PID1: variants seen among roughly 807,000 people sequenced by gnomAD.
The protein encoded by PID1 is phosphotyrosine interaction domain containing 1, also known as PTB-containing, cubilin and LRP1-interacting protein.
Under a neutral mutation model 19.1 loss-of-function variants are expected in PID1, and 10 were observed. The ratio of observed to expected loss-of-function variants is 0.52; its 90% CI spans 0.32 to 0.89. PID1 has a LOEUF of 0.89. PID1 is among the 40% of genes least tolerant of loss of function. The pLI is 0.03. For missense variants in PID1, 248 were observed against 285.3 expected, an observed-to-expected ratio of 0.87 and a Z score of 0.94; for synonymous variants, 130 against 116.0, an observed-to-expected ratio of 1.12 and a Z score of -0.78.
chr2:229,046,276 C>T, intron 2 of PID1, among the ~76,000 whole-genome samples: 1 of 151,864 alleles, frequency 6.6e-6, no homozygotes, highest in East Asian at 1.9e-4. Flanking sequence ...ACTTCCTAAA[C>T]ATCTTTTCCT....
At chr2:229,270,876 C>A in intron 1 of PID1, 138 bp downstream of exon 1, 4 of 692,650 alleles carry the variant, frequency 5.8e-6, no homozygotes, top group Non-Finnish European at 9.4e-6. Context: ...GGTAAACCGA[C>A]AGCATCATGT....
chr2:229,099,100 T>G (rs1004155425), intron 2 of PID1, among the ~76,000 whole-genome samples: 1 of 152,130 alleles, frequency 6.6e-6, no homozygotes, highest in Admixed American at 6.6e-5. Context: ...TCCCAACAAT[T>G]TTTGTGTCTT....
intron 1 of PID1, among the ~76,000 whole-genome samples, chr2:229,212,053 T>C (rs891194825): frequency 1.3e-5 from 2 of 152,192 alleles, no homozygotes; most frequent in South Asian, 2.1e-4. Flanking sequence ...ATCAAACTGG[T>C]TGAATGTATA....
chr2:229,141,650 G>C (rs73998562), intron 2 of PID1, among the ~76,000 whole-genome samples: 46 of 147,466 alleles, frequency 3.1e-4, no homozygotes, highest in African/African-American at 1.2e-3. Context: ...TGTGGGGGGG[G>C]AACTAATTTC....
intron 1 of PID1, among the ~76,000 whole-genome samples, chr2:229,221,090 C>T (rs1381467963): frequency 1.3e-5 from 2 of 152,164 alleles, no homozygotes; most frequent in South Asian, 4.1e-4. Context: ...GTATCCCCAT[C>T]CAGCTTTAAC....
At chr2:229,033,616 A>G (rs893115492) in intron 2 of PID1, among the ~76,000 whole-genome samples, 5 of 152,144 alleles carry the variant, frequency 3.3e-5, no homozygotes, top group African/African-American at 1.2e-4. Context: ...CCACCATGGC[A>G]CGTGTATGCC....
At position 229,139,104 on chromosome 2, in the gene PID1, A is replaced by C. The variant is rs1317736690; in HGVS notation, c.177+16714T>G. ...GAAAGAAAGAAAGAAAGAAAGAAAG[A>C]AAGAAAGAAAGAGAAAGAAAGAAAG... On this transcript the variant is annotated intron_variant, in intron 2 of 2. Coordinates refer to ENST00000392055, the MANE Select transcript of PID1 (RefSeq NM_001100818.2). Among the ~76,000 whole-genome samples the C allele has an allele frequency of 3.8e-4, 25 of 66,312 alleles. 1 individual carries two copies. The highest frequency in any genetic ancestry group is 3.5e-3 in the East Asian group (7 of 2,018). 43.5% of individuals were successfully genotyped at this position (66,312 alleles called of 152,430 possible). A position where few individuals can be genotyped will look rare whatever the true frequency, so the allele number is the denominator to read the frequency against.
chr2:229,150,853 C>CT (rs35107592), intron 2 of PID1, among the ~76,000 whole-genome samples: 36,260 of 137,352 alleles, frequency 0.26, 4,581 homozygotes, highest in Non-Finnish European at 0.3. Context: ...TGTAGAGTGC[C>CT]TTTTTTTTTT....
chr2:229,101,524 C>T (rs925712711), intron 2 of PID1, among the ~76,000 whole-genome samples: 2 of 152,204 alleles, frequency 1.3e-5, no homozygotes, highest in African/African-American at 4.8e-5. Flanking sequence ...CCAGTATATT[C>T]ACTCTAACTA....
chr2:229,267,657 T>C lies in PID1; in HGVS notation c.30+3357A>G, dbSNP rs552916714. 4.6e-5 allele frequency among the ~76,000 whole-genome samples: 7 copies of C among 152,290 alleles called. No homozygotes were observed. In the South Asian group the frequency reaches 8.3e-4, roughly 18 times the overall value. On this transcript the variant is annotated intron_variant, in intron 1 of 2. Coordinates refer to ENST00000392055, the MANE Select transcript of PID1 (RefSeq NM_001100818.2). ...GCATCTGGTAGCTCAGTGAAGACAT[T>C]TGCTCTGAGAAAATACTTGTTCCTA...
Position 229,096,054 on chromosome 2 carries a change from A to G in PID1, c.177+59764T>C, listed in dbSNP as rs1559230790. Among the ~76,000 whole-genome samples the G allele has an allele frequency of 2.0e-5, 3 of 152,188 alleles. 1 individual carries two copies. The highest frequency in any genetic ancestry group is 2.0e-4 in the Admixed American group (3 of 15,276). ...ATGTTGGAGAATAGTCATATAAGTAACAGATAGAGAAATGTCCACAGGCAA... is the reference window on the plus strand; with the variant it reads ...ATGTTGGAGAATAGTCATATAAGTAGCAGATAGAGAAATGTCCACAGGCAA... On this transcript the variant is annotated intron_variant, in intron 2 of 2. Transcript: ENST00000392055.
At chr2:229,204,615 G>A (rs773447002) in intron 1 of PID1, among the ~76,000 whole-genome samples, 4 of 151,982 alleles carry the variant, frequency 2.6e-5, no homozygotes, top group African/African-American at 4.8e-5. Flanking sequence ...TAGACAAGAG[G>A]AGAAAACACG....
Position 229,254,080 on chromosome 2 carries a change from G to A in PID1, c.30+16934C>T, listed in dbSNP as rs184711779. Reference sequence around the variant, plus strand: ...CACCCTGCTGAGGATTCCAACTCCCGGGAGAAAGTGTCTAATCAATCTAGT... The same window carrying A: ...CACCCTGCTGAGGATTCCAACTCCCAGGAGAAAGTGTCTAATCAATCTAGT... On this transcript the variant is annotated intron_variant, in intron 1 of 2. Coordinates refer to ENST00000392055, the MANE Select transcript of PID1 (RefSeq NM_001100818.2). Among the ~76,000 whole-genome samples the A allele has an allele frequency of 5.3e-5, 8 of 152,162 alleles. No individual in the cohort carries two copies. In the South Asian group the frequency reaches 6.3e-4, roughly 12 times the overall value.
chr2:229,204,787 T>C (rs1691572501), intron 1 of PID1, among the ~76,000 whole-genome samples: 1 of 152,022 alleles, frequency 6.6e-6, no homozygotes, highest in Non-Finnish European at 1.5e-5. Context: ...TCATTATGGG[T>C]GGTACGGGTG....
chr2:229,126,592 T>C (rs916046188), intron 2 of PID1, among the ~76,000 whole-genome samples: 1 of 152,212 alleles, frequency 6.6e-6, no homozygotes, highest in Non-Finnish European at 1.5e-5. Flanking sequence ...TCCTCCATCA[T>C]GTAAAATACT....
At chr2:229,099,558 T>A (rs1434259152) in intron 2 of PID1, among the ~76,000 whole-genome samples, 1 of 152,154 alleles carries the variant, frequency 6.6e-6, no homozygotes, top group African/African-American at 2.4e-5. Context: ...AACACATTCA[T>A]GTCACATGTA....
intron 1 of PID1, among the ~76,000 whole-genome samples, chr2:229,220,283 T>C (rs138229751): frequency 1.3e-5 from 2 of 152,220 alleles, no homozygotes; most frequent in Non-Finnish European, 2.9e-5. Flanking sequence ...CATGGAAATG[T>C]TGGGTGACTT....
intron 1 of PID1, among the ~76,000 whole-genome samples, chr2:229,247,705 C>T (rs1363900176): frequency 1.3e-5 from 2 of 152,148 alleles, no homozygotes; most frequent in African/African-American, 2.4e-5. Context: ...GAGAACAGCC[C>T]CTGCCTTTAG....
chr2:229,050,641 G>C (rs1693975415), intron 2 of PID1, among the ~76,000 whole-genome samples: 1 of 152,136 alleles, frequency 6.6e-6, no homozygotes, highest in South Asian at 2.1e-4. Context: ...ATACCGGTGT[G>C]TACATGCAAT....
Sources: gnomAD v4.1 joint callset for allele counts (sites outside exome capture counted in the v4.1 genomes callset) on GRCh38, gnomAD v4.1.1 for gene constraint, MANE v1.5 for transcripts, NCBI Gene and HGNC (gene_info 2026-07-23, HGNC 2026-07-21) for gene names.